Variants in TTLL11 observed in about 807,000 individuals in gnomAD.
The protein encoded by TTLL11 is tubulin tyrosine ligase like 11.
Under a neutral mutation model 51.7 loss-of-function variants are expected in TTLL11, and 42 were observed. The observed-to-expected ratio is 0.81, with a 90% CI of 0.64 to 1.05. The LOEUF (loss-of-function observed/expected upper bound fraction) is 1.05, where lower values mean the gene tolerates loss of function less well. TTLL11 is among the 50% of genes least tolerant of loss of function. TTLL11 has a pLI of 0.00. For missense variants in TTLL11, 799 were observed against 940.4 expected (o/e 0.85, Z 1.97); for synonymous variants, 381 against 383.5 (o/e 0.99, Z 0.08).
chr9:122,000,471 CAAAAAAAAA>C lies in TTLL11; in HGVS notation c.694-10710_694-10702del, dbSNP rs57775265. On this transcript the variant is annotated intron_variant, in intron 3 of 8. Coordinates refer to ENST00000321582, the MANE Select transcript of TTLL11 (RefSeq NM_001139442.2). ...TGGGTGACAGAGTGAGACTCCGTCG[CAAAAAAAAA>C]AAAAAAAAAAAAAAAAAGACCTTGC... Among the ~76,000 whole-genome samples, 6 of 22,822 alleles carry C rather than the reference CAAAAAAAAA, an allele frequency of 2.6e-4. No homozygotes were observed. The South Asian group carries it at 0.014, about 51-fold the overall frequency. The allele number at this position is 22,822 out of a possible 152,430, so 15.0% of individuals were successfully genotyped here. A position where few individuals can be genotyped will look rare whatever the true frequency, so the allele number is the denominator to read the frequency against.
intron 6 of TTLL11, among the ~76,000 whole-genome samples, chr9:121,927,712 G>C (rs965171537): frequency 1.3e-5 from 2 of 151,124 alleles, no homozygotes; most frequent in African/African-American, 4.9e-5. Flanking sequence ...GGTGACAGAG[G>C]ACTAGGAGTT....
chr9:122,060,487 G>A (rs79110291), intron 1 of TTLL11, among the ~76,000 whole-genome samples: 3,048 of 152,288 alleles, frequency 0.02, 44 homozygotes, highest in Middle Eastern at 0.037. Flanking sequence ...AAGCCAAGAC[G>A]TTAACTTAAG....
In TTLL11 at chr9:121,815,746, G is replaced by C. The variant is rs1322915404; in HGVS notation, c.*6841C>G. On this transcript the variant is annotated 3_prime_UTR_variant, in exon 9 of 9. Transcript: ENST00000321582. The stretch of plus-strand genomic sequence containing the variant: ...TTATTGCGTTTTATGAAGTTGCCAA[G>C]ACAACTGAGGCCAAGTAACAGAACC... 3 of 152,122 alleles carry C rather than the reference G, an allele frequency of 2.0e-5. No individual in the cohort carries two copies. The highest frequency in any genetic ancestry group is 7.2e-5 in the African/African-American group (3 of 41,430). The allele number at this position is 152,122 out of a possible 1,614,324, so 9.4% of individuals were successfully genotyped here. A position where few individuals can be genotyped will look rare whatever the true frequency, so the allele number is the denominator to read the frequency against.
At chr9:121,869,761 C>T (rs536886588) in intron 7 of TTLL11, among the ~76,000 whole-genome samples, 74 of 152,260 alleles carry the variant, frequency 4.9e-4, no homozygotes, top group African/African-American at 1.7e-3. Context: ...GCTTTATCCT[C>T]ATTTTACAGG....
At chr9:122,033,702 G>A (rs189993353) in intron 2 of TTLL11, among the ~76,000 whole-genome samples, 1 of 152,256 alleles carries the variant, frequency 6.6e-6, no homozygotes, top group East Asian at 1.9e-4. Context: ...TTCCATCAGC[G>A]TATTAAAAAG....
intron 6 of TTLL11, among the ~76,000 whole-genome samples, chr9:121,873,655 TC>T (rs1320893416): frequency 6.6e-6 from 1 of 150,544 alleles, no homozygotes. Context: ...TTCTTCTTCT[TC>T]TTCTTCTTCT....
At chr9:122,078,495 T>G (rs1473491422) in intron 1 of TTLL11, among the ~76,000 whole-genome samples, 2 of 152,158 alleles carry the variant, frequency 1.3e-5, no homozygotes, top group Non-Finnish European at 2.9e-5. Context: ...TAGCACAGCA[T>G]GAAGGCTCAA....
chr9:122,046,347 T>C (rs1764288440), intron 1 of TTLL11, among the ~76,000 whole-genome samples: 1 of 152,182 alleles, frequency 6.6e-6, no homozygotes, highest in Non-Finnish European at 1.5e-5. Context: ...CCTTCTTCCA[T>C]GATTGTAAGT....
At chr9:121,856,423 G>A (rs1318498692) in intron 8 of TTLL11, among the ~76,000 whole-genome samples, 2 of 152,146 alleles carry the variant, frequency 1.3e-5, no homozygotes, top group East Asian at 3.8e-4. Flanking sequence ...TTGAGGCTCA[G>A]GTTTTCCATC....
intron 6 of TTLL11, among the ~76,000 whole-genome samples, chr9:121,908,255 C>A (rs946560544): frequency 2.6e-5 from 4 of 152,224 alleles, no homozygotes; most frequent in Non-Finnish European, 4.4e-5. Flanking sequence ...TCCCCTGGAA[C>A]AATCTCAGTT....
At chr9:121,839,593 G>A (rs1400435255) in intron 8 of TTLL11, among the ~76,000 whole-genome samples, 4 of 152,194 alleles carry the variant, frequency 2.6e-5, no homozygotes, top group African/African-American at 4.8e-5. Context: ...AGTCATGAGA[G>A]GGGCCAAGCC....
chr9:121,945,636 C>T (rs1391797668), intron 6 of TTLL11, among the ~76,000 whole-genome samples: 1 of 152,230 alleles, frequency 6.6e-6, no homozygotes, highest in Non-Finnish European at 1.5e-5. Context: ...CTGCTTCCTA[C>T]ACCACCCCTT....
chr9:122,059,993 G>A (rs544472941), intron 1 of TTLL11, among the ~76,000 whole-genome samples: 81 of 152,322 alleles, frequency 5.3e-4, no homozygotes, highest in Non-Finnish European at 9.4e-4. Flanking sequence ...ATGGGTATCT[G>A]CTTTCTTCCT....
At chr9:122,062,105 C>A (rs532020628) in intron 1 of TTLL11, among the ~76,000 whole-genome samples, 2 of 152,318 alleles carry the variant, frequency 1.3e-5, no homozygotes, top group South Asian at 4.1e-4. Flanking sequence ...GGGGCACACC[C>A]TGGGCACATC....
intron 6 of TTLL11, among the ~76,000 whole-genome samples, chr9:121,911,654 G>C (rs1191419381): frequency 6.6e-6 from 1 of 152,148 alleles, no homozygotes; most frequent in Non-Finnish European, 1.5e-5. Context: ...GATGAAGCTG[G>C]AAACCATCAT....
Position 121,826,212 on chromosome 9 carries a change from ATATATG to A in TTLL11, c.1841-3339_1841-3334del, listed in dbSNP as rs1363786284. 1.4e-4 allele frequency among the ~76,000 whole-genome samples: 17 copies of A among 117,918 alleles called. 3 individuals are homozygous for A. Among genetic ancestry groups the A allele is most frequent in the South Asian group, 1.3e-3 (5 of 3,728 alleles). 77.4% of individuals were successfully genotyped at this position (117,918 alleles called of 152,430 possible). A position where few individuals can be genotyped will look rare whatever the true frequency, so the allele number is the denominator to read the frequency against. ...TATATATATATATATATATATATAT[ATATATG>A]CACACATATATATATACACGCACAT... On this transcript the variant is annotated intron_variant, in intron 8 of 8. Transcript: ENST00000321582.
intron 3 of TTLL11, among the ~76,000 whole-genome samples, chr9:122,007,475 CAAAA>C (rs59238464): frequency 1.1e-5 from 1 of 94,744 alleles, no homozygotes; most frequent in African/African-American, 4.1e-5. Context: ...AATTCCATCT[CAAAA>C]AAAAAAAAAA....
At chr9:121,934,047 T>C (rs1222703464) in intron 6 of TTLL11, among the ~76,000 whole-genome samples, 2 of 152,090 alleles carry the variant, frequency 1.3e-5, no homozygotes. Flanking sequence ...CTAACCAACA[T>C]AGAGCAACCC....
chr9:122,038,663 G>A (rs1337652525), intron 2 of TTLL11, among the ~76,000 whole-genome samples: 1 of 152,164 alleles, frequency 6.6e-6, no homozygotes, highest in Non-Finnish European at 1.5e-5. Flanking sequence ...AAGTGGTAGA[G>A]ATTAAAATGC....
Sources: allele counts gnomAD v4.1 joint callset (sites outside exome capture counted in the v4.1 genomes callset), GRCh38; gene constraint gnomAD v4.1.1; transcripts MANE v1.5; gene names NCBI Gene and HGNC (gene_info 2026-07-23, HGNC 2026-07-21).